MIS18A: variants seen among roughly 807,000 people sequenced by gnomAD.
MIS18A encodes MIS18 kinetochore protein A, also known as protein Mis18-alpha.
MIS18A carries 14 observed loss-of-function variants against 25.0 expected under a neutral mutation model. The observed-to-expected ratio is 0.56, with a 90% confidence interval of 0.37 to 0.88. The LOEUF (loss-of-function observed/expected upper bound fraction) is 0.88, where lower values mean the gene tolerates loss of function less well. Among genes scored for constraint, MIS18A ranks in the 40% least tolerant of loss-of-function variants. The pLI is 0.00. For missense variants in MIS18A, 292 were observed against 290.8 expected (o/e 1.00, Z -0.03); for synonymous variants, 134 against 118.6 (o/e 1.13, Z -0.84).
At chr21:32,232,290 A>C in the MIS18A span, among the ~76,000 whole-genome samples, 1 of 151,946 alleles carries the variant, frequency 6.6e-6, no homozygotes, top group African/African-American at 2.4e-5. Flanking sequence ...TTTCTTTATC[A>C]TTCATAGATA....
chr21:32,247,790 T>C, the MIS18A span, among the ~76,000 whole-genome samples: 1 of 152,156 alleles, frequency 6.6e-6, no homozygotes, highest in South Asian at 2.1e-4. Flanking sequence ...ACCTCGATCT[T>C]GGACTTCCAA....
the MIS18A span, among the ~76,000 whole-genome samples, chr21:32,255,068 T>C: frequency 2.0e-5 from 3 of 152,222 alleles, no homozygotes; most frequent in African/African-American, 4.8e-5. Context: ...TTTATAATTA[T>C]ATGTATAAAT....
the MIS18A span, among the ~76,000 whole-genome samples, chr21:32,221,249 A>C: frequency 6.6e-6 from 1 of 152,204 alleles, no homozygotes; most frequent in Non-Finnish European, 1.5e-5. Flanking sequence ...AGTTACCCAG[A>C]AAGGGAAACC....
chr21:32,270,871 A>G (rs2031702122), intron 2 of MIS18A, among the ~76,000 whole-genome samples: 1 of 152,214 alleles, frequency 6.6e-6, no homozygotes, highest in Admixed American at 6.5e-5. Context: ...GGTGTCTGTC[A>G]CTACTCACCT....
At chr21:32,215,704 G>C in the MIS18A span, among the ~76,000 whole-genome samples, 1 of 152,104 alleles carries the variant, frequency 6.6e-6, no homozygotes, top group Non-Finnish European at 1.5e-5. Context: ...ATTTTGTCCT[G>C]GAGAGGATCA....
At chr21:32,229,776 T>C in the MIS18A span, among the ~76,000 whole-genome samples, 2 of 152,232 alleles carry the variant, frequency 1.3e-5, no homozygotes. Flanking sequence ...TCTTCTGTTT[T>C]AGAACTGATT....
chr21:32,159,544 T>C, the MIS18A span, among the ~76,000 whole-genome samples: 1 of 152,232 alleles, frequency 6.6e-6, no homozygotes, highest in Non-Finnish European at 1.5e-5. Flanking sequence ...TCAAACTCTA[T>C]AAAATATTTG....
At chr21:32,221,699 A>T in the MIS18A span, among the ~76,000 whole-genome samples, 2 of 150,226 alleles carry the variant, frequency 1.3e-5, no homozygotes, top group East Asian at 3.9e-4. Context: ...CCAAGATGGC[A>T]AAACCCTATC....
the MIS18A span, among the ~76,000 whole-genome samples, chr21:32,166,681 T>C: frequency 6.6e-6 from 1 of 152,178 alleles, no homozygotes; most frequent in Admixed American, 6.5e-5. Context: ...TTTATTCATA[T>C]AATTAAATAA....
chr21:32,257,305 G>T, the MIS18A span, among the ~76,000 whole-genome samples: 2 of 152,216 alleles, frequency 1.3e-5, no homozygotes, highest in Non-Finnish European at 2.9e-5. Context: ...TTGGTGAAAT[G>T]TTGGCAGCCA....
chr21:32,228,863 T>C, the MIS18A span, among the ~76,000 whole-genome samples: 2 of 152,182 alleles, frequency 1.3e-5, no homozygotes, highest in African/African-American at 2.4e-5. Context: ...TAAGGAAGGC[T>C]AAATAGATGA....
the MIS18A span, among the ~76,000 whole-genome samples, chr21:32,160,718 G>A: frequency 5.3e-5 from 8 of 151,466 alleles, no homozygotes; most frequent in Middle Eastern, 3.4e-3. Flanking sequence ...CGCAACCTCC[G>A]CTTCCCGGGT....
chr21:32,276,569 A>T (rs776499924), intron 1 of MIS18A, among the ~76,000 whole-genome samples: 1 of 152,116 alleles, frequency 6.6e-6, no homozygotes, highest in Middle Eastern at 3.4e-3. Flanking sequence ...CAAACAATTC[A>T]GGAATGAAAA....
At chr21:32,176,969 G>C in the MIS18A span, among the ~76,000 whole-genome samples, 6 of 152,090 alleles carry the variant, frequency 3.9e-5, no homozygotes, top group African/African-American at 1.4e-4. Context: ...TCCATGGGTT[G>C]AGCTGGGGGT....
chr21:32,238,689 C>T, the MIS18A span, among the ~76,000 whole-genome samples: 3 of 152,180 alleles, frequency 2.0e-5, no homozygotes, highest in Admixed American at 1.3e-4. Flanking sequence ...GTCCATGTCA[C>T]TCCTCCCTTC....
chr21:32,249,094 C>G, the MIS18A span, among the ~76,000 whole-genome samples: 1 of 152,172 alleles, frequency 6.6e-6, no homozygotes, highest in African/African-American at 2.4e-5. Flanking sequence ...CCAGGCTGAT[C>G]GAGACTCTGA....
the MIS18A span, among the ~76,000 whole-genome samples, chr21:32,201,688 C>A: frequency 5.9e-5 from 9 of 152,218 alleles, no homozygotes; most frequent in East Asian, 1.7e-3. Context: ...TGGCATGCAC[C>A]TGTAGTCCCG....
At chr21:32,201,058 C>A in the MIS18A span, among the ~76,000 whole-genome samples, 1 of 152,158 alleles carries the variant, frequency 6.6e-6, no homozygotes, top group Non-Finnish European at 1.5e-5. Flanking sequence ...ATGGCGCCAG[C>A]ATCTGCTCCT....
the MIS18A span, among the ~76,000 whole-genome samples, chr21:32,240,550 C>A: frequency 3.9e-5 from 6 of 152,314 alleles, no homozygotes; most frequent in African/African-American, 1.4e-4. Flanking sequence ...AAGACCGTGA[C>A]CCTGGGCAAA....
Sources: gnomAD v4.1 joint callset for allele counts (sites outside exome capture counted in the v4.1 genomes callset) on GRCh38, gnomAD v4.1.1 for gene constraint, MANE v1.5 for transcripts, NCBI Gene and HGNC (gene_info 2026-07-23, HGNC 2026-07-21) for gene names.